HCN1: variants seen among roughly 807,000 people sequenced by gnomAD.
The protein encoded by HCN1 is potassium/sodium hyperpolarization-activated cyclic nucleotide-gated channel 1.
A neutral mutation model predicts 78.9 loss-of-function variants in HCN1; 13 were observed. That is an observed-to-expected ratio of 0.16 (90% CI 0.11 to 0.26). The LOEUF (loss-of-function observed/expected upper bound fraction) is 0.26. HCN1 is among the 10% of genes least tolerant of loss of function. The pLI is 1.00. For missense variants in HCN1, 810 were observed against 1,154.3 expected (o/e 0.70, Z 4.32); for synonymous variants, 552 against 455.5 (o/e 1.21, Z -2.70).
At chr5:45,582,678 A>G (rs1041882619) in intron 2 of HCN1, among the ~76,000 whole-genome samples, 1 of 152,148 alleles carries the variant, frequency 6.6e-6, no homozygotes, top group African/African-American at 2.4e-5. Flanking sequence ...AGCTCTTATT[A>G]TTTTGAGATA....
chr5:45,450,262 T>C (rs1002566771), intron 3 of HCN1, among the ~76,000 whole-genome samples: 4 of 152,196 alleles, frequency 2.6e-5, no homozygotes, highest in African/African-American at 9.6e-5. Context: ...CATTTTTAAA[T>C]AAAAACAATG....
intron 5 of HCN1, among the ~76,000 whole-genome samples, chr5:45,314,121 G>A (rs943233782): frequency 1.3e-5 from 2 of 152,056 alleles, no homozygotes; most frequent in Non-Finnish European, 2.9e-5. Context: ...GAGAAAGGTC[G>A]GGTTACCCAC....
At chr5:45,691,779 T>C (rs1739917533) in intron 1 of HCN1, among the ~76,000 whole-genome samples, 2 of 152,172 alleles carry the variant, frequency 1.3e-5, no homozygotes, top group South Asian at 2.1e-4. Context: ...CTGTATAATA[T>C]GGGTGAAGCC....
chr5:45,345,032 A>G (rs890999433), intron 5 of HCN1, among the ~76,000 whole-genome samples: 1 of 152,162 alleles, frequency 6.6e-6, no homozygotes. Context: ...ACGCATTTCC[A>G]TACATCCTCT....
intron 1 of HCN1, among the ~76,000 whole-genome samples, chr5:45,659,196 T>G (rs1417317900): frequency 6.7e-6 from 1 of 148,666 alleles, no homozygotes; most frequent in Non-Finnish European, 1.5e-5. Flanking sequence ...AGGGGCACAC[T>G]GACACCTCAC....
intron 2 of HCN1, among the ~76,000 whole-genome samples, chr5:45,524,246 C>T (rs186008214): frequency 2.0e-5 from 3 of 152,248 alleles, no homozygotes; most frequent in Admixed American, 6.5e-5. Flanking sequence ...CAGTACTATG[C>T]TGTTTTGGTT....
chr5:45,390,298 T>C (rs943275502), intron 4 of HCN1, among the ~76,000 whole-genome samples: 6 of 152,206 alleles, frequency 3.9e-5, no homozygotes, highest in African/African-American at 1.4e-4. Context: ...CAGGTTTCCC[T>C]GTGAAAGTGC....
intron 2 of HCN1, among the ~76,000 whole-genome samples, chr5:45,572,487 T>G (rs1345539592): frequency 6.6e-6 from 1 of 152,184 alleles, no homozygotes. Context: ...GGAAAATATC[T>G]ATAAATGATT....
In HCN1 at chr5:45,650,035, T is replaced by C. The variant is rs534863747; in HGVS notation, c.426-4427A>G. 1.2e-3 allele frequency among the ~76,000 whole-genome samples: 186 copies of C among 152,194 alleles called. 1 individual carries two copies. Among genetic ancestry groups the C allele is most frequent in the African/African-American group, 4.4e-3 (181 of 41,566 alleles). On this transcript the variant is annotated intron_variant, in intron 1 of 7. Coordinates refer to ENST00000303230, the MANE Select transcript of HCN1 (RefSeq NM_021072.4). ...CAAAAGAGTTGTGTATTTGAGATGT[T>C]TTTACATATCATATATCTACCTACT...
intron 2 of HCN1, among the ~76,000 whole-genome samples, chr5:45,500,172 A>T (rs1439712733): frequency 6.6e-6 from 1 of 151,466 alleles, no homozygotes; most frequent in East Asian, 1.9e-4. Flanking sequence ...TGGGTAATTT[A>T]AAAAAAATAA....
chr5:45,365,207 T>C (rs1184295974), intron 4 of HCN1, among the ~76,000 whole-genome samples: 1 of 152,006 alleles, frequency 6.6e-6, no homozygotes, highest in Non-Finnish European at 1.5e-5. Context: ...TTTTTCATGT[T>C]AGATTTAGGG....
At chr5:45,331,580 G>A (rs1274893495) in intron 5 of HCN1, among the ~76,000 whole-genome samples, 3 of 151,148 alleles carry the variant, frequency 2.0e-5, no homozygotes, top group Non-Finnish European at 4.4e-5. Flanking sequence ...TCATCACTCT[G>A]AATTCAACTC....
At chr5:45,665,290 G>C (rs1746014085) in intron 1 of HCN1, among the ~76,000 whole-genome samples, 1 of 125,316 alleles carries the variant, frequency 8.0e-6, no homozygotes, top group Non-Finnish European at 1.6e-5. Flanking sequence ...ACACTCTGGG[G>C]ACTGTTGTGG....
chr5:45,527,203 C>T (rs1258675770), intron 2 of HCN1, among the ~76,000 whole-genome samples: 4 of 137,256 alleles, frequency 2.9e-5, no homozygotes, highest in Non-Finnish European at 6.4e-5. Context: ...GAATAGAATG[C>T]GAGGGGACTG....
At chr5:45,627,233 C>T (rs2112005477) in intron 2 of HCN1, among the ~76,000 whole-genome samples, 1 of 152,210 alleles carries the variant, frequency 6.6e-6, no homozygotes, top group Non-Finnish European at 1.5e-5. Flanking sequence ...AATATAGAAC[C>T]TGCAAAATCA....
chr5:45,478,934 C>G (rs1355904023), intron 2 of HCN1, among the ~76,000 whole-genome samples: 1 of 151,966 alleles, frequency 6.6e-6, no homozygotes, highest in Admixed American at 6.6e-5. Flanking sequence ...CCAGCCTGGC[C>G]AACATGGTTA....
At chr5:45,417,256 T>C (rs2112062790) in intron 3 of HCN1, among the ~76,000 whole-genome samples, 1 of 152,064 alleles carries the variant, frequency 6.6e-6, no homozygotes, top group African/African-American at 2.4e-5. Context: ...AAGTGGACAC[T>C]AATAAATTTC....
intron 1 of HCN1, among the ~76,000 whole-genome samples, chr5:45,672,022 T>C (rs1746161588): frequency 6.6e-6 from 1 of 151,542 alleles, no homozygotes. Flanking sequence ...ATTTCAACAA[T>C]GTCATGGGGA....
chr5:45,264,052 C>A (rs1744805226), intron 7 of HCN1, among the ~76,000 whole-genome samples: 1 of 152,228 alleles, frequency 6.6e-6, no homozygotes, highest in Admixed American at 6.5e-5. Flanking sequence ...CTCGGCCTCC[C>A]AAAGTGCTGG....
Sources: allele counts gnomAD v4.1 joint callset (sites outside exome capture counted in the v4.1 genomes callset), GRCh38; gene constraint gnomAD v4.1.1; transcripts MANE v1.5; gene names NCBI Gene and HGNC (gene_info 2026-07-23, HGNC 2026-07-21).